Variants in TNRC6B observed in about 807,000 individuals in gnomAD.
TNRC6B encodes the protein trinucleotide repeat containing adaptor 6B, also known as trinucleotide repeat-containing gene 6B protein.
TNRC6B carries 52 observed loss-of-function variants against 203.6 expected under a neutral mutation model. The ratio of observed to expected loss-of-function variants is 0.26; its 90% CI spans 0.20 to 0.32. The LOEUF (loss-of-function observed/expected upper bound fraction) is 0.32, where lower values mean the gene tolerates loss of function less well. Among genes scored for constraint, TNRC6B ranks in the 10% least tolerant of loss-of-function variants. TNRC6B has a pLI of 1.00. For synonymous variants in TNRC6B, 838 were observed against 845.7 expected (o/e 0.99, Z 0.16); for missense variants, 1,923 against 2,286.2 (o/e 0.84, Z 3.24).
At position 40,281,213 on chromosome 22, in the gene TNRC6B, C is replaced by A. The variant is rs1457632721; in HGVS notation, c.3506C>A (p.Ser1169Tyr). 3.2e-6 allele frequency: 5 copies of A among 1,551,574 alleles called. No homozygotes were observed. The highest frequency in any genetic ancestry group is 3.5e-6 in the Non-Finnish European group (4 of 1,146,972). The change falls in exon 11 of 23, where the codon TCT becomes TAT. Residue 1169 changes from serine (S) to tyrosine (Y), a missense_variant. Physicochemically the swap from Ser to Tyr is moderately radical, Grantham distance 144. Coordinates refer to ENST00000454349, the MANE Select transcript of TNRC6B (RefSeq NM_001162501.2). ...SPSPSYKLSPSGSTLPNVSLG... is the reference protein window; with the variant it reads ...SPSPSYKLSPYGSTLPNVSLG... ...TCTCCCAGCTACAAGCTGTCTCCCT[C>A]TGGTTCCACACTACCCAACGTCAGC... is the stretch of plus-strand genomic sequence containing the variant.
chr22:40,232,985 TAAAA>T (rs1479509549), intron 1 of TNRC6B, among the ~76,000 whole-genome samples: 1 of 151,258 alleles, frequency 6.6e-6, no homozygotes, highest in Non-Finnish European at 1.5e-5. Context: ...CTGTCTCTAC[TAAAA>T]TACAAAAAAT....
chr22:40,286,950 G>A (rs753512372), intron 12 of TNRC6B, among the ~76,000 whole-genome samples: 3 of 152,264 alleles, frequency 2.0e-5, no homozygotes, highest in East Asian at 1.9e-4. Context: ...AGATGGGAGC[G>A]CTTATTAGAT....
chr22:40,053,463 C>G (rs544793230), intron 1 of TNRC6B, among the ~76,000 whole-genome samples: 1 of 145,836 alleles, frequency 6.9e-6, no homozygotes, highest in East Asian at 1.9e-4. Flanking sequence ...ACTGAAAATT[C>G]AAAAACTACA....
Position 40,103,103 on chromosome 22 carries a change from AAATT to A in TNRC6B, c.-120-13939_-120-13936del, listed in dbSNP as rs1043621631. ...AATAAATAAATAAAAATAAATAAAT[AAATT>A]AATTAATTAATTTAGCTGGTCATGA... is the stretch of plus-strand genomic sequence containing the variant. On this transcript the variant is annotated intron_variant, in intron 1 of 23. Transcript: ENST00000301923. 4.0e-5 allele frequency among the ~76,000 whole-genome samples: 6 copies of A among 149,930 alleles called. No homozygotes were observed. The East Asian group carries it at 5.8e-4, about 15-fold the overall frequency.
At chr22:40,223,144 T>C (rs1484608701) in intron 1 of TNRC6B, among the ~76,000 whole-genome samples, 1 of 151,616 alleles carries the variant, frequency 6.6e-6, no homozygotes, top group African/African-American at 2.4e-5. Context: ...GTAGTAATAC[T>C]AGGTTTTTTT....
At chr22:40,116,835 A>G (rs947165062) in intron 1 of TNRC6B, among the ~76,000 whole-genome samples, 1 of 152,196 alleles carries the variant, frequency 6.6e-6, no homozygotes, top group Non-Finnish European at 1.5e-5. Flanking sequence ...AGAGTTTTAC[A>G]CATACTTCAT....
At chr22:40,138,238 G>A (rs973407655) in intron 3 of TNRC6B, among the ~76,000 whole-genome samples, 1 of 152,162 alleles carries the variant, frequency 6.6e-6, no homozygotes, top group African/African-American at 2.4e-5. Context: ...AGGAGATAGA[G>A]CAAGGTATTG....
chr22:40,301,035 C>A (rs1238465554), intron 14 of TNRC6B, 30 bp downstream of exon 14: 6 of 1,601,334 alleles, frequency 3.7e-6, no homozygotes, highest in African/African-American at 2.7e-5. Context: ...CCCTCCAGTG[C>A]TGTGTTGGAG....
chr22:40,261,127 A>G (rs1192040227), intron 3 of TNRC6B, among the ~76,000 whole-genome samples: 1 of 151,188 alleles, frequency 6.6e-6, no homozygotes, highest in East Asian at 1.9e-4. Context: ...CTAGAGGAGG[A>G]AAAAAAAATT....
chr22:40,061,301 G>A (rs1354712717), intron 1 of TNRC6B, among the ~76,000 whole-genome samples: 2 of 152,066 alleles, frequency 1.3e-5, no homozygotes, highest in African/African-American at 4.8e-5. Context: ...TGCAACCTCC[G>A]TCTTCCAGGT....
At chr22:40,153,425 T>C (rs1426313634) in intron 3 of TNRC6B, among the ~76,000 whole-genome samples, 1 of 152,042 alleles carries the variant, frequency 6.6e-6, no homozygotes, top group Admixed American at 6.6e-5. Context: ...CCTGAGGGTG[T>C]CTCCAAGGCG....
In TNRC6B at chr22:40,322,940, C is replaced by T. The variant is rs1243686226; in HGVS notation, c.5201C>T (p.Thr1734Ile). 4 of 1,613,630 alleles carry T rather than the reference C, an allele frequency of 2.5e-6. No homozygotes were observed. The highest frequency in any genetic ancestry group is 3.4e-6 in the Non-Finnish European group (4 of 1,179,768). ...SRFLAQAQPP[T>I]PAATPSAPAA... ...TTTCTGGCACAAGCTCAGCCCCCTA[C>T]ACCTGCAGCAACCCCAAGTGCGCCA... The change falls in exon 23 of 23, where the codon ACA (threonine) becomes ATA (isoleucine). Residue 1734 changes from threonine (T) to isoleucine (I), a missense_variant. Thr to Ile is a moderately conservative substitution (Grantham distance 89, BLOSUM62 -1). Around this residue, in one of 8 missense-constraint regions of TNRC6B, gnomAD observed 126 missense variants for 137.5 expected, o/e 0.92. Transcript: ENST00000454349.
chr22:40,251,706 G>C (rs1482463756), intron 3 of TNRC6B, among the ~76,000 whole-genome samples: 9 of 150,360 alleles, frequency 6.0e-5, no homozygotes, highest in Non-Finnish European at 1.2e-4. Context: ...GCAACAAAGT[G>C]AGACTCCGTC....
chr22:40,262,839 A>C (rs978398425), intron 4 of TNRC6B, among the ~76,000 whole-genome samples: 3 of 152,092 alleles, frequency 2.0e-5, no homozygotes, highest in Non-Finnish European at 4.4e-5. Context: ...GGAGATCGAG[A>C]CCACCCTGGC....
At chr22:40,094,898 G>A (rs1473757997) in intron 1 of TNRC6B, among the ~76,000 whole-genome samples, 1 of 152,002 alleles carries the variant, frequency 6.6e-6, no homozygotes, top group Non-Finnish European at 1.5e-5. Flanking sequence ...TGCTAATTTC[G>A]TATGAGGCTG....
At chr22:40,114,848 G>T (rs756259030) in intron 1 of TNRC6B, among the ~76,000 whole-genome samples, 29 of 152,132 alleles carry the variant, frequency 1.9e-4, no homozygotes, top group Admixed American at 3.3e-4. Context: ...CAAAGCAGTT[G>T]TGGAGGAATT....
chr22:40,219,926 C>G (rs536202724), intron 1 of TNRC6B, among the ~76,000 whole-genome samples: 1 of 152,166 alleles, frequency 6.6e-6, no homozygotes, highest in Non-Finnish European at 1.5e-5. Context: ...TCTCCTCTGT[C>G]CTGAGTACCC....
At chr22:40,249,609 T>A (rs937104137) in intron 2 of TNRC6B, among the ~76,000 whole-genome samples, 2 of 152,178 alleles carry the variant, frequency 1.3e-5, no homozygotes, top group African/African-American at 4.8e-5. Context: ...TGATAAAACA[T>A]ATTTGACATT....
upstream of TNRC6B, among the ~76,000 whole-genome samples, chr22:40,173,480 T>C (rs2069023633): frequency 1.3e-5 from 2 of 150,220 alleles, no homozygotes; most frequent in African/African-American, 4.9e-5. Flanking sequence ...AAAACAGATA[T>C]ATATATAATC....
Sources: allele counts gnomAD v4.1 joint callset (sites outside exome capture counted in the v4.1 genomes callset), GRCh38; gene constraint gnomAD v4.1.1; regional missense constraint gnomAD v4.1.1; transcripts MANE v1.5; gene names NCBI Gene and HGNC (gene_info 2026-07-23, HGNC 2026-07-21).